The following GUCY1A2 variants were observed in gnomAD, a reference collection of about 807,000 sequenced individuals.
GUCY1A2 encodes the protein guanylate cyclase 1 soluble subunit alpha 2.
GUCY1A2 carries 27 observed loss-of-function variants against 63.5 expected under a neutral mutation model. The observed-to-expected ratio is 0.43, with a 90% CI of 0.31 to 0.59. The LOEUF (loss-of-function observed/expected upper bound fraction) is 0.59. GUCY1A2 is among the 20% of genes least tolerant of loss of function. GUCY1A2 has a pLI of 0.11. For missense variants in GUCY1A2, 768 were observed against 913.3 expected (o/e 0.84, Z 2.05); for synonymous variants, 364 against 343.5 (o/e 1.06, Z -0.66).
chr11:106,822,095 T>A (rs891946365), intron 4 of GUCY1A2, among the ~76,000 whole-genome samples: 1 of 152,112 alleles, frequency 6.6e-6, no homozygotes. Flanking sequence ...TAAGCAGAAT[T>A]AAGAAAATTT....
At chr11:106,996,521 AT>A (rs1374515068) in intron 1 of GUCY1A2, among the ~76,000 whole-genome samples, 16 of 152,222 alleles carry the variant, frequency 1.1e-4, no homozygotes, top group Non-Finnish European at 2.9e-5. Context: ...ACTTCTAATT[AT>A]GACTTGGTTC....
chr11:106,772,701 G>A (rs1021589966), intron 6 of GUCY1A2, among the ~76,000 whole-genome samples: 2 of 151,806 alleles, frequency 1.3e-5, no homozygotes, highest in African/African-American at 4.8e-5. Context: ...TTTGTTCTCG[G>A]GTAATTTAAC....
chr11:106,940,207 T>A, intron 3 of GUCY1A2, 29 bp from the exon 4 acceptor site: 1 of 984,782 alleles, frequency 1.0e-6, no homozygotes, highest in South Asian at 1.4e-5. Context: ...CAAATGTTAG[T>A]GAAGTCTAAT....
At chr11:106,851,123 C>T (rs1347315774) in intron 4 of GUCY1A2, among the ~76,000 whole-genome samples, 1 of 151,808 alleles carries the variant, frequency 6.6e-6, no homozygotes, top group Non-Finnish European at 1.5e-5. Flanking sequence ...TATTTCTTGG[C>T]CATTTGTATG....
intron 1 of GUCY1A2, among the ~76,000 whole-genome samples, chr11:106,989,879 T>C (rs571256393): frequency 5.9e-5 from 9 of 152,246 alleles, no homozygotes; most frequent in African/African-American, 2.2e-4. Flanking sequence ...TGAAACATCA[T>C]AGCTAAGGTC....
At chr11:106,831,184 A>G (rs1859045243) in intron 4 of GUCY1A2, among the ~76,000 whole-genome samples, 1 of 152,210 alleles carries the variant, frequency 6.6e-6, no homozygotes. Flanking sequence ...CAGTTTTATA[A>G]AGCATAAAAA....
chr11:106,889,557 A>C (rs1859947116), intron 4 of GUCY1A2, among the ~76,000 whole-genome samples: 1 of 152,184 alleles, frequency 6.6e-6, no homozygotes, highest in Non-Finnish European at 1.5e-5. Flanking sequence ...GACCTTTGAA[A>C]CCTGAAGAAA....
chr11:106,842,952 G>A (rs1297340845), intron 4 of GUCY1A2, among the ~76,000 whole-genome samples: 1 of 151,898 alleles, frequency 6.6e-6, no homozygotes, highest in Non-Finnish European at 1.5e-5. Flanking sequence ...GAAAGGGTAG[G>A]ACTCAAGAAC....
At chr11:106,894,541 A>C (rs548401935) in intron 4 of GUCY1A2, among the ~76,000 whole-genome samples, 2 of 152,300 alleles carry the variant, frequency 1.3e-5, no homozygotes, top group South Asian at 2.1e-4. Flanking sequence ...GCTAAACCAC[A>C]ATCTGGGCCA....
chr11:106,909,840 A>G (rs981179264), intron 4 of GUCY1A2, among the ~76,000 whole-genome samples: 1 of 152,040 alleles, frequency 6.6e-6, no homozygotes, highest in African/African-American at 2.4e-5. Context: ...TTGTATGATC[A>G]TAAGTTCTTA....
In GUCY1A2 at chr11:106,994,186, T is replaced by A. The variant is rs186470884; in HGVS notation, c.304-8055A>T. Among the ~76,000 whole-genome samples, 506 of 152,340 alleles carry A rather than the reference T, an allele frequency of 3.3e-3. 3 individuals are homozygous for A. The highest frequency in any genetic ancestry group is 0.012 in the African/African-American group (485 of 41,578). On this transcript the variant is annotated intron_variant, in intron 1 of 7. Transcript: ENST00000526355. ...TTGCCTTATTAGAAGTATGCTCTAA[T>A]AGCAAACCACAGTGGTTATCATCAC...
intron 5 of GUCY1A2, among the ~76,000 whole-genome samples, chr11:106,808,397 C>T (rs1000787254): frequency 5.9e-5 from 9 of 151,972 alleles, no homozygotes; most frequent in Admixed American, 4.6e-4. Context: ...AGTATTTCTA[C>T]TGTTTTTCTG....
Position 107,017,744 on chromosome 11 carries a change from C to G in GUCY1A2, c.303+9G>C, listed in dbSNP as rs1263559309. 1.4e-6 allele frequency: 2 copies of G among 1,386,162 alleles called. No homozygotes were observed. Among genetic ancestry groups the G allele is most frequent in the African/African-American group, 1.5e-5 (1 of 66,244 alleles). The allele number at this position is 1,386,162 out of a possible 1,614,324, so 85.9% of individuals were successfully genotyped here. ...CCGAAGGCGGTCCCCCCTTCCGCCC[C>G]CCGCTCACCGAGGGCGCCGTCAGGC... On this transcript the variant is annotated intron_variant, in intron 1 of 7. Transcript: ENST00000526355.
intron 4 of GUCY1A2, among the ~76,000 whole-genome samples, chr11:106,924,910 T>G (rs1860501049): frequency 6.6e-6 from 1 of 151,782 alleles, no homozygotes; most frequent in South Asian, 2.1e-4. Flanking sequence ...GAGCCTGAGG[T>G]GGGAGAAATC....
intron 4 of GUCY1A2, among the ~76,000 whole-genome samples, chr11:106,841,493 A>G (rs1212135274): frequency 1.3e-5 from 2 of 151,946 alleles, no homozygotes; most frequent in Non-Finnish European, 2.9e-5. Flanking sequence ...GGTGCTTAAT[A>G]AATATTGGCT....
chr11:106,805,353 C>A (rs931727126), intron 5 of GUCY1A2, among the ~76,000 whole-genome samples: 1 of 151,760 alleles, frequency 6.6e-6, no homozygotes, highest in African/African-American at 2.4e-5. Context: ...TCAAGCAATT[C>A]TCCTGCCTCA....
intron 3 of GUCY1A2, among the ~76,000 whole-genome samples, chr11:106,977,558 C>T (rs778565970): frequency 6.6e-6 from 1 of 152,204 alleles, no homozygotes; most frequent in Non-Finnish European, 1.5e-5. Context: ...AGCCAACCGG[C>T]AGCTGGATTC....
intron 4 of GUCY1A2, among the ~76,000 whole-genome samples, chr11:106,861,341 T>C (rs889577691): frequency 1.3e-5 from 2 of 152,060 alleles, no homozygotes; most frequent in African/African-American, 4.8e-5. Context: ...AAAGGTTTTG[T>C]GTGCTGTCTA....
At chr11:106,973,767 T>C (rs527973633) in intron 3 of GUCY1A2, among the ~76,000 whole-genome samples, 3 of 152,206 alleles carry the variant, frequency 2.0e-5, no homozygotes, top group African/African-American at 4.8e-5. Flanking sequence ...AAGTATCAGT[T>C]TTCTCACCTA....
Sources: gnomAD v4.1 joint callset for allele counts (sites outside exome capture counted in the v4.1 genomes callset) on GRCh38, gnomAD v4.1.1 for gene constraint, MANE v1.5 for transcripts, NCBI Gene and HGNC (gene_info 2026-07-23, HGNC 2026-07-21) for gene names.